GRM7: variants seen among roughly 807,000 people sequenced by gnomAD.
The protein encoded by GRM7 is glutamate metabotropic receptor 7.
In GRM7, 35 loss-of-function variants were observed where a neutral mutation model predicts 84.5. The observed-to-expected ratio is 0.41, with a 90% CI of 0.32 to 0.55. GRM7 has a LOEUF of 0.55. Among genes scored for constraint, GRM7 ranks in the 20% least tolerant of loss-of-function variants. The pLI is 0.19. For synonymous variants in GRM7, 487 were observed against 455.1 expected (o/e 1.07, Z -0.89); for missense variants, 1,003 against 1,194.6 (o/e 0.84, Z 2.36).
chr3:6,962,146 C>T (rs1391963761), intron 1 of GRM7, among the ~76,000 whole-genome samples: 1 of 152,180 alleles, frequency 6.6e-6, no homozygotes, highest in African/African-American at 2.4e-5. Context: ...GCTAGATCTC[C>T]CTTAGCATTT....
chr3:7,191,391 G>T (rs114266608), intron 2 of GRM7, among the ~76,000 whole-genome samples: 1 of 151,740 alleles, frequency 6.6e-6, no homozygotes, highest in Non-Finnish European at 1.5e-5. Flanking sequence ...AGACATCACC[G>T]TTAGTAGAAA....
chr3:7,117,205 G>T (rs1448404650), intron 1 of GRM7, among the ~76,000 whole-genome samples: 2 of 152,186 alleles, frequency 1.3e-5, no homozygotes, highest in African/African-American at 2.4e-5. Context: ...TTAATCTGGT[G>T]CTGTGTTGTG....
chr3:7,477,816 G>A (rs1698983560), intron 7 of GRM7, among the ~76,000 whole-genome samples: 1 of 152,060 alleles, frequency 6.6e-6, no homozygotes, highest in South Asian at 2.1e-4. Context: ...CAGTTAAAAA[G>A]TAAAATCACA....
At chr3:7,231,651 T>C (rs1575061332) in intron 2 of GRM7, among the ~76,000 whole-genome samples, 1 of 152,174 alleles carries the variant, frequency 6.6e-6, no homozygotes, top group Non-Finnish European at 1.5e-5. Context: ...CTAAGGACTT[T>C]CCATGCAGTG....
chr3:7,240,870 T>C (rs2124920650), intron 2 of GRM7, among the ~76,000 whole-genome samples: 1 of 152,332 alleles, frequency 6.6e-6, no homozygotes, highest in East Asian at 1.9e-4. Flanking sequence ...ACATTTTCTA[T>C]GTTTAGATAC....
rs547107618 is a variant in GRM7, at chr3:6,915,754, C to T, written c.519+53847C>T. ...AATGTGAAAATGGGACAACAGAATT[C>T]AGTATCACAACTAATGGGCTTGATA... On this transcript the variant is annotated intron_variant, in intron 1 of 9. Coordinates refer to ENST00000357716, the MANE Select transcript of GRM7 (RefSeq NM_000844.4). 8.5e-5 allele frequency among the ~76,000 whole-genome samples: 13 copies of T among 152,306 alleles called. No homozygotes were observed. The East Asian group carries it at 2.3e-3, about 27-fold the overall frequency.
rs139357629 is a variant in GRM7 at position 7,639,817 on chromosome 3, T to C, written c.2452-40232T>C. On this transcript the variant is annotated intron_variant, in intron 8 of 9. Transcript: ENST00000357716. ...TGTAACTGTCGCCCACAACAAGATATAGATTTCCATCACTCAGAAAGTTTT... is the reference window on the plus strand; with the variant it reads ...TGTAACTGTCGCCCACAACAAGATACAGATTTCCATCACTCAGAAAGTTTT... Among the ~76,000 whole-genome samples, 29 of 152,286 alleles carry C rather than the reference T, an allele frequency of 1.9e-4. No individual in the cohort carries two copies. In the East Asian group the frequency reaches 5.2e-3, roughly 27 times the overall value.
intron 1 of GRM7, among the ~76,000 whole-genome samples, chr3:7,120,115 G>T (rs2125042978): frequency 6.6e-6 from 1 of 152,150 alleles, no homozygotes; most frequent in African/African-American, 2.4e-5. Context: ...TGAGACATTT[G>T]TCTTCAGGAG....
intron 5 of GRM7, among the ~76,000 whole-genome samples, chr3:7,421,235 C>T (rs960749234): frequency 1.3e-5 from 2 of 152,102 alleles, no homozygotes; most frequent in East Asian, 1.9e-4. Context: ...GGAAGCATAG[C>T]GCCACCTATG....
At chr3:6,947,654 G>C (rs1698139902) in intron 1 of GRM7, among the ~76,000 whole-genome samples, 1 of 152,170 alleles carries the variant, frequency 6.6e-6, no homozygotes, top group Non-Finnish European at 1.5e-5. Flanking sequence ...TGTACCTCTG[G>C]TAGAATTCGA....
chr3:7,300,149 C>A (rs1380325445), intron 3 of GRM7, among the ~76,000 whole-genome samples: 1 of 152,104 alleles, frequency 6.6e-6, no homozygotes, highest in Non-Finnish European at 1.5e-5. Context: ...TGTTTTAAAT[C>A]TTTGTCTATC....
At chr3:7,739,915 C>T (rs1038268540) in intron 9 of GRM7, among the ~76,000 whole-genome samples, 2 of 152,130 alleles carry the variant, frequency 1.3e-5, no homozygotes, top group Non-Finnish European at 2.9e-5. Context: ...CTAAAGAAGA[C>T]ACTCTGACCT....
chr3:7,228,442 C>T (rs1697054144), intron 2 of GRM7, among the ~76,000 whole-genome samples: 1 of 152,174 alleles, frequency 6.6e-6, no homozygotes, highest in Non-Finnish European at 1.5e-5. Flanking sequence ...TCAGGAATTT[C>T]AGAACACAAC....
chr3:7,719,890 C>T (rs760357764), intron 9 of GRM7, among the ~76,000 whole-genome samples: 14 of 151,660 alleles, frequency 9.2e-5, no homozygotes, highest in East Asian at 1.9e-4. Context: ...AGTTTTTATA[C>T]GGTCACCCTT....
chr3:7,055,127 A>T (rs536384471), intron 1 of GRM7, among the ~76,000 whole-genome samples: 5 of 151,792 alleles, frequency 3.3e-5, no homozygotes, highest in African/African-American at 1.2e-4. Context: ...TTGCCTTTGG[A>T]TGATGTCTTA....
At chr3:7,413,746 G>C (rs371388145) in intron 4 of GRM7, among the ~76,000 whole-genome samples, 1 of 152,194 alleles carries the variant, frequency 6.6e-6, no homozygotes, top group Non-Finnish European at 1.5e-5. Flanking sequence ...TAGAGAAAGA[G>C]AGGAAATGGC....
intron 1 of GRM7, among the ~76,000 whole-genome samples, chr3:6,915,295 C>G (rs1365572788): frequency 2.0e-5 from 3 of 152,044 alleles, no homozygotes; most frequent in African/African-American, 7.2e-5. Flanking sequence ...TTAAAAAGAG[C>G]CAAAATAACA....
At chr3:7,089,735 C>T (rs945560261) in intron 1 of GRM7, among the ~76,000 whole-genome samples, 1 of 152,094 alleles carries the variant, frequency 6.6e-6, no homozygotes, top group Non-Finnish European at 1.5e-5. Flanking sequence ...GAGAAAGATA[C>T]CAAGAAGGCA....
At chr3:7,392,878 A>G (rs1386807898) in intron 4 of GRM7, among the ~76,000 whole-genome samples, 1 of 152,178 alleles carries the variant, frequency 6.6e-6, no homozygotes, top group Non-Finnish European at 1.5e-5. Context: ...AGCCTGTTAC[A>G]GGGCAGTGGG....
Sources: allele counts gnomAD v4.1 joint callset (sites outside exome capture counted in the v4.1 genomes callset), GRCh38; gene constraint gnomAD v4.1.1; transcripts MANE v1.5; gene names NCBI Gene and HGNC (gene_info 2026-07-23, HGNC 2026-07-21).